ZBTB20: variants seen among roughly 807,000 people sequenced by gnomAD.
The protein encoded by ZBTB20 is zinc finger and BTB domain-containing protein 20.
In ZBTB20, 9 loss-of-function variants were observed where a neutral mutation model predicts 56.9. The observed-to-expected ratio is 0.16, with a 90% CI of 0.10 to 0.28. The LOEUF is 0.28. ZBTB20 is among the 10% of genes least tolerant of loss of function. ZBTB20 has a pLI of 1.00. For synonymous variants in ZBTB20, 417 were observed against 420.7 expected, an observed-to-expected ratio of 0.99 and a Z score of 0.11; for missense variants, 655 against 1,003.0, an observed-to-expected ratio of 0.65 and a Z score of 4.69.
At chr3:115,045,258 A>G (rs893688667) in intron 2 of ZBTB20, among the ~76,000 whole-genome samples, 4 of 152,178 alleles carry the variant, frequency 2.6e-5, no homozygotes, top group African/African-American at 9.6e-5. Flanking sequence ...TAAACTAAAA[A>G]ACATGTAGTA....
intron 7 of ZBTB20, among the ~76,000 whole-genome samples, chr3:114,423,936 G>C (rs1361161084): frequency 6.6e-6 from 1 of 152,110 alleles, no homozygotes; most frequent in African/African-American, 2.4e-5. Context: ...AGTTGACTAC[G>C]GTCATAGGGA....
chr3:115,088,477 G>T (rs1191974532), intron 1 of ZBTB20, among the ~76,000 whole-genome samples: 1 of 151,586 alleles, frequency 6.6e-6, no homozygotes, highest in Non-Finnish European at 1.5e-5. Flanking sequence ...TCCCAAAAGT[G>T]TACACATATC....
intron 6 of ZBTB20, among the ~76,000 whole-genome samples, chr3:114,530,230 C>T (rs1430799565): frequency 6.6e-6 from 1 of 152,188 alleles, no homozygotes; most frequent in Non-Finnish European, 1.5e-5. Flanking sequence ...TCTGCAAGAT[C>T]CATTCATTGT....
chr3:114,555,743 C>G (rs1310521509), intron 6 of ZBTB20, among the ~76,000 whole-genome samples: 1 of 152,056 alleles, frequency 6.6e-6, no homozygotes, highest in African/African-American at 2.4e-5. Context: ...CAGAAATTGA[C>G]CAGTTTTCAG....
intron 4 of ZBTB20, among the ~76,000 whole-genome samples, chr3:114,882,007 AC>A (rs1223321512): frequency 1.3e-5 from 2 of 151,912 alleles, no homozygotes; most frequent in Non-Finnish European, 3.0e-5. Flanking sequence ...TTCTACATAT[AC>A]AAAACTCAAA....
At chr3:114,976,648 G>C (rs2078113629) in intron 2 of ZBTB20, among the ~76,000 whole-genome samples, 1 of 151,514 alleles carries the variant, frequency 6.6e-6, no homozygotes, top group Non-Finnish European at 1.5e-5. Flanking sequence ...AAAATCTGAA[G>C]GACCGTTTGA....
In ZBTB20 at chr3:114,825,033, T is replaced by G. The variant is rs769653239; in HGVS notation, c.-416-23859A>C. On this transcript the variant is annotated intron_variant, in intron 4 of 11. Coordinates refer to ENST00000675478, the MANE Select transcript of ZBTB20 (RefSeq NM_001348800.3). ...ATAGATCTTAATACCCTGATGAAAA[T>G]TTAAGTCCTAAAAGGCCAGGAAATA... Among the ~76,000 whole-genome samples, 3 of 151,972 alleles carry G rather than the reference T, an allele frequency of 2.0e-5. No homozygotes were observed. The South Asian group carries it at 6.2e-4, about 31-fold the overall frequency.
Position 114,596,344 on chromosome 3 carries a change from A to T in ZBTB20, c.-294-95953T>A, listed in dbSNP as rs991024558. Among the ~76,000 whole-genome samples, 4 of 152,210 alleles carry T rather than the reference A, an allele frequency of 2.6e-5. 1 individual carries two copies. The highest frequency in any genetic ancestry group is 5.9e-5 in the Non-Finnish European group (4 of 68,036). On this transcript the variant is annotated intron_variant, in intron 6 of 11. Coordinates refer to ENST00000675478, the MANE Select transcript of ZBTB20 (RefSeq NM_001348800.3). ...CCCACCAAACTTAGAATGCACAATG[A>T]TGTCATTTACTTCAATTTTTATAAT... is the stretch of plus-strand genomic sequence containing the variant.
intron 4 of ZBTB20, among the ~76,000 whole-genome samples, chr3:114,847,185 C>A (rs4146803): frequency 0.6 from 90,375 of 151,814 alleles, 29,384 homozygotes; most frequent in East Asian, 0.8. Flanking sequence ...ATAGGCTTCT[C>A]ACAAGGGCTA....
intron 4 of ZBTB20, among the ~76,000 whole-genome samples, chr3:114,896,732 T>C (rs1437724820): frequency 6.6e-6 from 1 of 152,138 alleles, no homozygotes; most frequent in Non-Finnish European, 1.5e-5. Flanking sequence ...ACCATTGAAC[T>C]GTATACCAAA....
At chr3:114,806,492 T>C (rs1236585987) in intron 4 of ZBTB20, among the ~76,000 whole-genome samples, 1 of 151,986 alleles carries the variant, frequency 6.6e-6, no homozygotes, top group African/African-American at 2.4e-5. Flanking sequence ...GTAAAAATTC[T>C]TATCAGATTA....
At chr3:114,897,357 T>G (rs896809031) in intron 4 of ZBTB20, among the ~76,000 whole-genome samples, 1 of 151,564 alleles carries the variant, frequency 6.6e-6, no homozygotes, top group Non-Finnish European at 1.5e-5. Flanking sequence ...CCATGCAGAA[T>G]AAAAGGAAAT....
At chr3:115,014,144 G>T (rs1343870877) in intron 2 of ZBTB20, among the ~76,000 whole-genome samples, 4 of 151,654 alleles carry the variant, frequency 2.6e-5, no homozygotes, top group Non-Finnish European at 5.9e-5. Context: ...ATTAGGTTAA[G>T]TGAAATAAGC....
intron 6 of ZBTB20, among the ~76,000 whole-genome samples, chr3:114,640,502 C>T (rs1212457273): frequency 5.3e-5 from 8 of 152,046 alleles, no homozygotes; most frequent in Non-Finnish European, 1.2e-4. Flanking sequence ...TCATTCAAAA[C>T]AGCATCATTC....
chr3:114,959,936 T>C (rs929462425), intron 3 of ZBTB20, among the ~76,000 whole-genome samples: 1 of 152,190 alleles, frequency 6.6e-6, no homozygotes, highest in African/African-American at 2.4e-5. Flanking sequence ...GTTCTTAAAA[T>C]GGCCATTTTC....
chr3:114,816,878 C>T (rs1033971269), intron 4 of ZBTB20, among the ~76,000 whole-genome samples: 1 of 152,052 alleles, frequency 6.6e-6, no homozygotes, highest in Non-Finnish European at 1.5e-5. Context: ...GCAGGTTCAC[C>T]TTTGTTTGAG....
At chr3:115,109,218 CA>C (rs1405424519) in intron 1 of ZBTB20, among the ~76,000 whole-genome samples, 1 of 152,032 alleles carries the variant, frequency 6.6e-6, no homozygotes, top group Non-Finnish European at 1.5e-5. Flanking sequence ...CTTATATGTA[CA>C]GTTTATATTT....
intron 4 of ZBTB20, among the ~76,000 whole-genome samples, chr3:114,891,971 C>T (rs1426099983): frequency 1.3e-5 from 2 of 152,006 alleles, no homozygotes; most frequent in Non-Finnish European, 2.9e-5. Context: ...TGTTTGAACC[C>T]AGGAAGTGGA....
intron 5 of ZBTB20, among the ~76,000 whole-genome samples, chr3:114,781,572 T>A (rs1052444210): frequency 1.3e-5 from 2 of 152,212 alleles, no homozygotes; most frequent in African/African-American, 4.8e-5. Context: ...AGACAGATAT[T>A]CTCATCCTTT....
Sources: gnomAD v4.1 joint callset for allele counts (sites outside exome capture counted in the v4.1 genomes callset) on GRCh38, gnomAD v4.1.1 for gene constraint, MANE v1.5 for transcripts, NCBI Gene and HGNC (gene_info 2026-07-23, HGNC 2026-07-21) for gene names.